The following RCC1 variants were observed in gnomAD, a reference collection of about 807,000 sequenced individuals.
The protein encoded by RCC1 is regulator of chromosome condensation.
A neutral mutation model predicts 44.4 loss-of-function variants in RCC1; 11 were observed. The observed-to-expected ratio is 0.25, with a 90% CI of 0.16 to 0.41. The LOEUF is 0.41. Among genes scored for constraint, RCC1 ranks in the 10% least tolerant of loss-of-function variants. The pLI is 1.00. For missense variants in RCC1, 386 were observed against 547.1 expected, an observed-to-expected ratio of 0.71 and a Z score of 2.94; for synonymous variants, 213 against 216.5, an observed-to-expected ratio of 0.98 and a Z score of 0.14.
chr1:28,535,895 T>G lies in RCC1; in HGVS notation c.686T>G (p.Val229Gly), dbSNP rs765126493. 1.2e-6 allele frequency: 2 copies of G among 1,613,956 alleles called. No individual in the cohort carries two copies. The highest frequency in any genetic ancestry group is 2.2e-5 in the South Asian group (2 of 91,070). Residue 229 changes from valine (V) to glycine (G), a missense_variant, in exon 10 of 13, where the codon GTG (valine) becomes GGG (glycine). By Grantham distance (109) the Val-to-Gly change is moderately radical (BLOSUM62 -3). Transcript: ENST00000683442. ...GLERLLVPKC[V>G]MLKSRGSRGH... is the part of the protein sequence containing the mutation. ...GAACGACTCCTGGTCCCCAAGTGTG[T>G]GATGCTGAAATCCAGGGGAAGCCGG...
chr1:28,514,208 T>C (rs1413786205), intron 3 of RCC1, among the ~76,000 whole-genome samples: 1 of 151,368 alleles, frequency 6.6e-6, no homozygotes, highest in East Asian at 1.9e-4. Flanking sequence ...CCCAGCATTT[T>C]GGGAGGCCGA....
chr1:28,510,701 G>A (rs1192784432), intron 3 of RCC1: 1 of 152,202 alleles, frequency 6.6e-6, no homozygotes, highest in East Asian at 1.9e-4. Flanking sequence ...ATTCCAATGG[G>A]GAATCCCAGG....
At chr1:28,526,665 G>A (rs1220219981) in intron 4 of RCC1, 2 of 485,230 alleles carry the variant, frequency 4.1e-6, no homozygotes, top group Non-Finnish European at 7.4e-6. Context: ...GGAGGCTGAG[G>A]TGGGTGGATC....
rs888123199 is a variant in RCC1, at chr1:28,532,340, G to T, written c.431G>T (p.Gly144Val). ...GATGATGGCCGTGTCTTCCTCTGGGGCTCCTTCCGGGTAAGGCTGGGTCTG... is the reference window on the plus strand; with the variant it reads ...GATGATGGCCGTGTCTTCCTCTGGGTCTCCTTCCGGGTAAGGCTGGGTCTG... ...LTDDGRVFLW[G>V]SFRDNNGVIG... Residue 144 changes from glycine to valine, a missense_variant, in exon 7 of 13, where the codon GGC becomes GTC. Gly to Val is a moderately radical substitution (Grantham distance 109, BLOSUM62 -3). Coordinates refer to ENST00000683442, the MANE Select transcript of RCC1 (RefSeq NM_001381865.2). 1.2e-6 allele frequency: 2 copies of T among 1,613,980 alleles called. No individual in the cohort carries two copies. The highest frequency in any genetic ancestry group is 1.7e-6 in the Non-Finnish European group (2 of 1,179,982).
intron 3 of RCC1, chr1:28,510,535 T>TG (rs1662453142): frequency 6.6e-6 from 1 of 152,056 alleles, no homozygotes; most frequent in Admixed American, 6.6e-5. Flanking sequence ...ACCCGGGAGA[T>TG]GGAGGTTGTA....
intron 3 of RCC1, among the ~76,000 whole-genome samples, chr1:28,515,968 C>T (rs904400013): frequency 3.3e-5 from 5 of 149,288 alleles, no homozygotes; most frequent in Non-Finnish European, 5.9e-5. Flanking sequence ...GATCACCTGA[C>T]GTTTAGGAGT....
Position 28,535,031 on chromosome 1 carries a change from C to T in RCC1, c.442-19C>T, listed in dbSNP as rs1278674413. The T allele has an allele frequency of 1.1e-5, 17 of 1,599,490 alleles. No individual in the cohort carries two copies. Among genetic ancestry groups the T allele is most frequent in the African/African-American group, 2.7e-5 (2 of 74,620 alleles). ...GGCAGGCAGGACTGGCTGATAAGTG[C>T]CCTGTCCCTCCCTTCTAGGACAATA... On this transcript the variant is annotated intron_variant, in intron 7 of 12. Transcript: ENST00000683442.
chr1:28,521,364 G>A (rs1056118661), intron 4 of RCC1, among the ~76,000 whole-genome samples: 1 of 151,724 alleles, frequency 6.6e-6, no homozygotes, highest in Non-Finnish European at 1.5e-5. Flanking sequence ...AGCTGGGTGT[G>A]GTGGCAGGCG....
In RCC1 at chr1:28,535,379, C is replaced by A; in HGVS notation, c.660C>A (p.Leu220=). Residue 220 remains leucine, a splice_region_variant and synonymous_variant, in exon 9 of 13, where the codon CTC becomes CTA. Transcript: ENST00000683442. ...LFANRGGRQG[L]ERLLVPKCVM... ...CCAACCGTGGTGGCCGGCAAGGCCT[C>A]GGTAAGTGGCCTTGGTACCTCCAGC... is the stretch of plus-strand genomic sequence containing the variant. 1 of 1,613,948 alleles carries A rather than the reference C, an allele frequency of 6.2e-7. No homozygotes were observed. Among genetic ancestry groups the A allele is most frequent in the Non-Finnish European group, 8.5e-7 (1 of 1,179,964 alleles).
chr1:28,532,834 A>G (rs1664263487), intron 7 of RCC1: 2 of 420,690 alleles, frequency 4.8e-6, no homozygotes, highest in East Asian at 7.6e-5. Flanking sequence ...TATTGTTTTG[A>G]GATGGAGTTT....
chr1:28,518,322 G>A (rs1057425815), intron 4 of RCC1: 8 of 152,416 alleles, frequency 5.2e-5, no homozygotes, highest in African/African-American at 1.9e-4. Flanking sequence ...GGTCTCGCCT[G>A]GGACGCGCGG....
intron 4 of RCC1, among the ~76,000 whole-genome samples, chr1:28,529,109 A>G (rs1369504107): frequency 6.8e-6 from 1 of 146,584 alleles, no homozygotes; most frequent in Non-Finnish European, 1.5e-5. Context: ...TCCTGACCTC[A>G]AGTGATCCAC....
intron 4 of RCC1, among the ~76,000 whole-genome samples, 189 bp from the exon 5 acceptor site, chr1:28,529,669 T>A (rs1663981018): frequency 6.6e-6 from 1 of 151,548 alleles, no homozygotes; most frequent in South Asian, 2.1e-4. Context: ...TTATGAAGGA[T>A]ACAGTAGAGA....
intron 3 of RCC1, 125 bp downstream of exon 3, chr1:28,509,030 GTGGCGCAATCT>G (rs1662286173): frequency 2.6e-6 from 1 of 387,906 alleles, no homozygotes; most frequent in African/African-American, 2.1e-5. Flanking sequence ...CTGTAGTGCA[GTGGCGCAATCT>G]TGGCTGCAAC....
chr1:28,514,246 C>G (rs1662734499), intron 3 of RCC1, among the ~76,000 whole-genome samples: 1 of 151,284 alleles, frequency 6.6e-6, no homozygotes, highest in African/African-American at 2.4e-5. Flanking sequence ...ATCAGGAGAT[C>G]AAGACCGTCT....
chr1:28,517,788 C>T (rs1258737894), intron 4 of RCC1, among the ~76,000 whole-genome samples: 2 of 152,096 alleles, frequency 1.3e-5, no homozygotes, highest in Admixed American at 1.3e-4. Flanking sequence ...GCAAACGTCG[C>T]TTCTCCTAGG....
In RCC1 at chr1:28,530,324, TG is replaced by T. The variant is rs878961712; in HGVS notation, c.73+387del. Among the ~76,000 whole-genome samples, 4 of 152,334 alleles carry T rather than the reference TG, an allele frequency of 2.6e-5. No individual in the cohort carries two copies. The South Asian group carries it at 8.3e-4, about 32-fold the overall frequency. ...AGTTTGGATTATCAACTTCTTAAAATGGCGGCAGCCAGAGCAGCGTCACCCT... is the reference window on the plus strand; with the variant it reads ...AGTTTGGATTATCAACTTCTTAAAATGCGGCAGCCAGAGCAGCGTCACCCT... On this transcript the variant is annotated intron_variant, in intron 5 of 12. Coordinates refer to ENST00000683442, the MANE Select transcript of RCC1 (RefSeq NM_001381865.2).
Position 28,508,840 on chromosome 1 carries a change from G to T in RCC1, c.-218G>T, listed in dbSNP as rs755281020. On this transcript the variant is annotated 5_prime_UTR_variant, in exon 3 of 13. Coordinates refer to ENST00000683442, the MANE Select transcript of RCC1 (RefSeq NM_001381865.2). ...TTTCTTTTCTTTTAGGAGAGAAGACGATCTGCACTTCGCATTTTGGCATTG... is the reference window on the plus strand; with the variant it reads ...TTTCTTTTCTTTTAGGAGAGAAGACTATCTGCACTTCGCATTTTGGCATTG... The T allele has an allele frequency of 1.9e-6, 1 of 517,638 alleles. No individual in the cohort carries two copies. Among genetic ancestry groups the T allele is most frequent in the East Asian group, 5.5e-5 (1 of 18,344 alleles). 32.1% of individuals were successfully genotyped at this position (517,638 alleles called of 1,614,324 possible).
rs566576720 is a variant in RCC1, at chr1:28,537,990, G to A, written c.1249G>A (p.Asp417Asn). The A allele has an allele frequency of 1.1e-5, 18 of 1,613,584 alleles. No individual in the cohort carries two copies. In the South Asian group the frequency reaches 1.9e-4, roughly 17 times the overall value. ...GGQHTVLLVK[D>N]KEQS Reference sequence around the variant, plus strand: ...CCAGCATACAGTCTTATTAGTCAAGGACAAAGAACAGAGCTGATGAAGCCT... The same window carrying A: ...CCAGCATACAGTCTTATTAGTCAAGAACAAAGAACAGAGCTGATGAAGCCT... Residue 417 changes from aspartate to asparagine, a missense_variant, in exon 13 of 13, where the codon GAC (aspartate) becomes AAC (asparagine). By Grantham distance (23) the Asp-to-Asn change is conservative. Coordinates refer to ENST00000683442, the MANE Select transcript of RCC1 (RefSeq NM_001381865.2).
Sources: allele counts gnomAD v4.1 joint callset (sites outside exome capture counted in the v4.1 genomes callset), GRCh38; gene constraint gnomAD v4.1.1; transcripts MANE v1.5; gene names NCBI Gene and HGNC (gene_info 2026-07-23, HGNC 2026-07-21).